LARGE1: variants seen among roughly 807,000 people sequenced by gnomAD.
LARGE1 encodes xylosyl- and glucuronyltransferase LARGE1.
LARGE1 carries 43 observed loss-of-function variants against 87.6 expected under a neutral mutation model. The ratio of observed to expected loss-of-function variants is 0.49; its 90% CI spans 0.38 to 0.63. LARGE1 has a LOEUF of 0.63. Ranked by LOEUF, LARGE1 falls within the 30% of genes least tolerant of loss-of-function variation. The probability of loss-of-function intolerance (pLI) is 0.00; values close to 1 mark genes in which losing one functional copy is unlikely to be tolerated. For synonymous variants in LARGE1, 434 were observed against 394.6 expected (o/e 1.10, Z -1.18); for missense variants, 802 against 1,000.2 (o/e 0.80, Z 2.67).
chr22:33,272,291 G>A (rs181463859), downstream of LARGE1, among the ~76,000 whole-genome samples: 53 of 152,308 alleles, frequency 3.5e-4, no homozygotes, highest in African/African-American at 1.2e-3. Context: ...ATTAGTGAGT[G>A]CCTCTGTATC....
At chr22:33,874,487 C>T (rs1347892925) in intron 1 of LARGE1, among the ~76,000 whole-genome samples, 2 of 152,100 alleles carry the variant, frequency 1.3e-5, no homozygotes, top group African/African-American at 4.8e-5. Flanking sequence ...ATTTGCTCAA[C>T]GAACTGCAGC....
chr22:33,621,475 A>C (rs1479681666), intron 4 of LARGE1, among the ~76,000 whole-genome samples: 1 of 152,176 alleles, frequency 6.6e-6, no homozygotes, highest in Non-Finnish European at 1.5e-5. Flanking sequence ...GCAAGCCTTA[A>C]ATGAAAATTT....
rs578115819 is a variant in LARGE1 at position 33,187,921 on chromosome 22, CAA to C, written c.1731-21091_1731-21090del. On this transcript the variant is annotated intron_variant, in intron 11 of 11. Transcript: ENST00000608642. The stretch of plus-strand genomic sequence containing the variant: ...TGGGCAACAGAGTGAGACTCCGTCT[CAA>C]AAAAAAAAAAAAAAAAAAAAAAAAA... Among the ~76,000 whole-genome samples the C allele has an allele frequency of 2.4e-4, 9 of 36,884 alleles. 1 individual carries two copies. The highest frequency in any genetic ancestry group is 3.9e-4 in the Non-Finnish European group (7 of 17,732). The allele number at this position is 36,884 out of a possible 152,430, so 24.2% of individuals were successfully genotyped here.
intron 1 of LARGE1, among the ~76,000 whole-genome samples, chr22:33,822,206 C>T (rs1217464250): frequency 6.6e-6 from 1 of 152,122 alleles, no homozygotes; most frequent in Non-Finnish European, 1.5e-5. Context: ...GACAATCAGC[C>T]CTACCCTATG....
intron 11 of LARGE1, among the ~76,000 whole-genome samples, chr22:33,211,411 A>C (rs1405744484): frequency 6.6e-6 from 1 of 152,244 alleles, no homozygotes; most frequent in African/African-American, 2.4e-5. Context: ...GAGATAGGCC[A>C]AAAGCTAGGC....
chr22:33,663,609 C>G (rs931753532), intron 2 of LARGE1, among the ~76,000 whole-genome samples: 1 of 152,182 alleles, frequency 6.6e-6, no homozygotes, highest in Non-Finnish European at 1.5e-5. Flanking sequence ...ACCTGAGGGA[C>G]TGATCTCAGA....
chr22:33,524,829 T>C (rs183415137), intron 6 of LARGE1, among the ~76,000 whole-genome samples: 2 of 151,812 alleles, frequency 1.3e-5, no homozygotes, highest in Admixed American at 6.6e-5. Context: ...TACAGCCCAC[T>C]GGGAAAAAGT....
At chr22:33,807,431 C>T (rs958126761) in intron 1 of LARGE1, among the ~76,000 whole-genome samples, 7 of 152,266 alleles carry the variant, frequency 4.6e-5, no homozygotes, top group South Asian at 4.1e-4. Flanking sequence ...TTCCCATATA[C>T]CTCCTGCTCC....
intron 12 of LARGE1, among the ~76,000 whole-genome samples, chr22:33,295,300 G>C (rs1933090542): frequency 6.6e-6 from 1 of 152,230 alleles, no homozygotes; most frequent in South Asian, 2.1e-4. Context: ...AGCAGGGCCA[G>C]TGCAGACACA....
At chr22:33,836,897 C>G (rs2063123637) in intron 1 of LARGE1, among the ~76,000 whole-genome samples, 1 of 152,000 alleles carries the variant, frequency 6.6e-6, no homozygotes. Flanking sequence ...GAAACAGAGA[C>G]TCAATAAGCC....
At chr22:33,202,537 A>G (rs1237721935) in intron 11 of LARGE1, among the ~76,000 whole-genome samples, 6 of 152,346 alleles carry the variant, frequency 3.9e-5, no homozygotes, top group African/African-American at 7.2e-5. Context: ...AGGATGACAC[A>G]TAATTTCCTT....
intron 2 of LARGE1, among the ~76,000 whole-genome samples, chr22:33,709,338 C>T (rs1044611079): frequency 2.0e-5 from 3 of 152,050 alleles, no homozygotes; most frequent in African/African-American, 4.8e-5. Flanking sequence ...AGGTTGCTGG[C>T]GTCAGGCCCT....
intron 11 of LARGE1, among the ~76,000 whole-genome samples, chr22:33,249,267 T>C (rs1475636774): frequency 6.6e-6 from 1 of 152,202 alleles, no homozygotes; most frequent in Non-Finnish European, 1.5e-5. Flanking sequence ...TCATTGTTGT[T>C]TTAATTTGCA....
chr22:33,353,615 C>T (rs759176930), intron 9 of LARGE1, among the ~76,000 whole-genome samples: 2 of 152,224 alleles, frequency 1.3e-5, no homozygotes, highest in African/African-American at 2.4e-5. Context: ...GCTTACGCTA[C>T]GTGATAGATT....
intron 6 of LARGE1, among the ~76,000 whole-genome samples, chr22:33,520,334 C>G (rs2071521019): frequency 6.6e-6 from 1 of 152,100 alleles, no homozygotes; most frequent in Non-Finnish European, 1.5e-5. Context: ...CCTCAGCCTC[C>G]CAAAGCGCTA....
chr22:33,394,073 G>T (rs1194581160), intron 7 of LARGE1, among the ~76,000 whole-genome samples: 1 of 117,554 alleles, frequency 8.5e-6, no homozygotes, highest in Non-Finnish European at 1.6e-5. Context: ...TTTTGCCAGT[G>T]CAACTGCCAA....
chr22:33,097,530 T>C, the LARGE1 span, among the ~76,000 whole-genome samples: 3 of 152,342 alleles, frequency 2.0e-5, no homozygotes, highest in South Asian at 2.1e-4. Flanking sequence ...TCAAGTTTAA[T>C]TTGATTTTTC....
chr22:33,920,636 TA>T (rs1355491171), upstream of LARGE1, among the ~76,000 whole-genome samples: 5 of 141,332 alleles, frequency 3.5e-5, no homozygotes, highest in African/African-American at 1.3e-4. Flanking sequence ...GGCGCGGGGC[TA>T]GGGGAGGCGC....
chr22:33,329,682 T>C (rs1937520482), intron 10 of LARGE1, among the ~76,000 whole-genome samples: 1 of 152,176 alleles, frequency 6.6e-6, no homozygotes, highest in Non-Finnish European at 1.5e-5. Context: ...AAACTTAGTT[T>C]AATACTAAAC....
Sources: gnomAD v4.1 joint callset for allele counts (sites outside exome capture counted in the v4.1 genomes callset) on GRCh38, gnomAD v4.1.1 for gene constraint, MANE v1.5 for transcripts, NCBI Gene and HGNC (gene_info 2026-07-23, HGNC 2026-07-21) for gene names.